RALYL: variants seen among roughly 807,000 people sequenced by gnomAD.
The protein encoded by RALYL is RNA-binding Raly-like protein.
RALYL carries 29 observed loss-of-function variants against 35.1 expected under a neutral mutation model. The observed-to-expected ratio is 0.83, with a 90% CI of 0.61 to 1.13. The LOEUF (loss-of-function observed/expected upper bound fraction) is 1.13. Ranked by LOEUF, RALYL falls within the 50% of genes most tolerant of loss-of-function variation. RALYL has a pLI of 0.00. For missense variants in RALYL, 359 were observed against 360.4 expected (o/e 1.00, Z 0.03); for synonymous variants, 120 against 127.6 (o/e 0.94, Z 0.40).
chr8:84,676,069 A>G (rs1191832201), intron 2 of RALYL, among the ~76,000 whole-genome samples: 2 of 152,188 alleles, frequency 1.3e-5, no homozygotes, highest in Non-Finnish European at 2.9e-5. Context: ...TCCAACTGTT[A>G]TTTGTCAAGT....
intron 8 of RALYL, among the ~76,000 whole-genome samples, chr8:84,900,965 G>A (rs1036625456): frequency 6.6e-6 from 1 of 152,162 alleles, no homozygotes; most frequent in Non-Finnish European, 1.5e-5. Flanking sequence ...CTGGAGGATG[G>A]TAGAGGAAGG....
In RALYL at chr8:84,368,143, TA is replaced by T. The variant is rs371269346; in HGVS notation, c.-23-161154del. ...ATTTCACTCTTCTGCTGAGAATTTG[TA>T]ACTGAAAAACGAAATAAGTCAAATA... On this transcript the variant is annotated intron_variant, in intron 1 of 8. Transcript: ENST00000521268. Among the ~76,000 whole-genome samples, 118 of 152,292 alleles carry T rather than the reference TA, an allele frequency of 7.7e-4. No homozygotes were observed. In the East Asian group the frequency reaches 0.018, roughly 23 times the overall value.
chr8:84,676,834 G>A (rs1055563581), intron 2 of RALYL, among the ~76,000 whole-genome samples: 7 of 151,646 alleles, frequency 4.6e-5, no homozygotes, highest in Admixed American at 1.3e-4. Flanking sequence ...ACAGAGTCTC[G>A]CTTTGTCACC....
At chr8:84,733,349 A>G (rs1846597220) in intron 2 of RALYL, among the ~76,000 whole-genome samples, 2 of 152,128 alleles carry the variant, frequency 1.3e-5, no homozygotes, top group African/African-American at 4.8e-5. Context: ...AAATTTCCTT[A>G]TGCTACCAAG....
At chr8:84,339,230 G>GC (rs1848347426) in intron 1 of RALYL, among the ~76,000 whole-genome samples, 1 of 151,974 alleles carries the variant, frequency 6.6e-6, no homozygotes, top group African/African-American at 2.4e-5. Context: ...GGTCCACAAT[G>GC]CCCTGGCCAT....
intron 8 of RALYL, among the ~76,000 whole-genome samples, chr8:84,909,680 CTG>C (rs1395161667): frequency 6.6e-6 from 1 of 152,092 alleles, no homozygotes; most frequent in African/African-American, 2.4e-5. Flanking sequence ...ACTTACCTCT[CTG>C]TGCCTCAGTT....
At chr8:84,311,241 G>A (rs1287896602) in intron 1 of RALYL, among the ~76,000 whole-genome samples, 1 of 151,488 alleles carries the variant, frequency 6.6e-6, no homozygotes, top group East Asian at 1.9e-4. Flanking sequence ...CAGAATTAAA[G>A]CAAGGCTATT....
chr8:84,199,317 A>G (rs1213308324), intron 1 of RALYL, among the ~76,000 whole-genome samples: 2 of 152,084 alleles, frequency 1.3e-5, no homozygotes, highest in African/African-American at 4.8e-5. Flanking sequence ...GTCTATTCAA[A>G]TATTTTGTCC....
intron 1 of RALYL, among the ~76,000 whole-genome samples, chr8:84,435,382 T>C (rs1392735636): frequency 2.0e-5 from 3 of 152,118 alleles, no homozygotes; most frequent in African/African-American, 7.2e-5. Flanking sequence ...GGATGAAATT[T>C]TTTCTCAAAG....
intron 1 of RALYL, among the ~76,000 whole-genome samples, chr8:84,237,615 C>A (rs897122969): frequency 4.6e-5 from 7 of 151,966 alleles, no homozygotes; most frequent in African/African-American, 1.7e-4. Flanking sequence ...CCTAGACAGA[C>A]CAATTTTCTT....
chr8:84,413,459 T>A (rs2044301222), intron 1 of RALYL, among the ~76,000 whole-genome samples: 1 of 152,010 alleles, frequency 6.6e-6, no homozygotes, highest in South Asian at 2.1e-4. Flanking sequence ...ATTTTACTGA[T>A]ACCCAAATTC....
chr8:84,870,332 C>T (rs1011856524), intron 6 of RALYL, among the ~76,000 whole-genome samples: 8 of 150,912 alleles, frequency 5.3e-5, no homozygotes, highest in East Asian at 1.9e-4. Flanking sequence ...GATCTTGGCT[C>T]GGTGCAATCT....
intron 2 of RALYL, among the ~76,000 whole-genome samples, chr8:84,549,399 C>T (rs2060570947): frequency 1.3e-5 from 2 of 152,138 alleles, no homozygotes; most frequent in African/African-American, 2.4e-5. Flanking sequence ...TCAAAACAGA[C>T]TTGAGGGTCA....
intron 1 of RALYL, among the ~76,000 whole-genome samples, chr8:84,485,198 T>C (rs1353226551): frequency 6.6e-6 from 1 of 152,124 alleles, no homozygotes; most frequent in Non-Finnish European, 1.5e-5. Context: ...TTATTTTTCT[T>C]TATATCCTAA....
intron 1 of RALYL, among the ~76,000 whole-genome samples, chr8:84,528,233 G>A (rs1001168982): frequency 2.0e-5 from 3 of 152,054 alleles, no homozygotes. Flanking sequence ...CAATGTCAGG[G>A]ACTGTTACCT....
intron 2 of RALYL, among the ~76,000 whole-genome samples, chr8:84,696,327 C>G (rs1363678375): frequency 2.0e-5 from 3 of 151,470 alleles, no homozygotes; most frequent in African/African-American, 7.3e-5. Flanking sequence ...GATCATCAAC[C>G]CAAGAAAAAG....
chr8:84,818,098 G>A (rs1198399448), intron 4 of RALYL, among the ~76,000 whole-genome samples: 7 of 152,112 alleles, frequency 4.6e-5, no homozygotes, highest in African/African-American at 1.7e-4. Flanking sequence ...AGGAGTGACA[G>A]ACTGCCTTAC....
chr8:84,658,578 G>T (rs1037376838), intron 2 of RALYL, among the ~76,000 whole-genome samples: 1 of 152,076 alleles, frequency 6.6e-6, no homozygotes, highest in African/African-American at 2.4e-5. Context: ...CATAGAACAC[G>T]GTTCCAACAG....
chr8:84,538,487 C>A (rs1468589253), intron 2 of RALYL, among the ~76,000 whole-genome samples: 1 of 152,098 alleles, frequency 6.6e-6, no homozygotes. Flanking sequence ...AATATTTATT[C>A]TTTCAACACT....
Sources: gnomAD v4.1 joint callset for allele counts (sites outside exome capture counted in the v4.1 genomes callset) on GRCh38, gnomAD v4.1.1 for gene constraint, MANE v1.5 for transcripts, NCBI Gene and HGNC (gene_info 2026-07-23, HGNC 2026-07-21) for gene names.